Variants in RMDN2 observed in about 807,000 individuals in gnomAD.
RMDN2 encodes regulator of microtubule dynamics protein 2.
In RMDN2, 61 loss-of-function variants were observed where a neutral mutation model predicts 52.8. The ratio of observed to expected loss-of-function variants is 1.16; its 90% CI spans 0.94 to 1.43. RMDN2 has a LOEUF of 1.43. Among genes scored for constraint, RMDN2 ranks in the 40% most tolerant of loss-of-function variants. The pLI, the probability that RMDN2 is intolerant of heterozygous loss-of-function variation, is 0.00. For synonymous variants in RMDN2, 180 were observed against 153.1 expected (o/e 1.18, Z -1.30); for missense variants, 592 against 475.3 (o/e 1.25, Z -2.28).
At chr2:38,020,761 G>A (rs552245479), downstream of RMDN2, among the ~76,000 whole-genome samples, 32 of 152,310 alleles carry the variant, frequency 2.1e-4, no homozygotes, top group East Asian at 3.9e-4. Flanking sequence ...GGCAGGGCTC[G>A]GGACCTGCAG....
At chr2:38,051,093 G>C (rs1412689246) in intron 10 of RMDN2, among the ~76,000 whole-genome samples, 3 of 152,160 alleles carry the variant, frequency 2.0e-5, no homozygotes, top group African/African-American at 7.2e-5. Context: ...GCCTCTTTAG[G>C]AAAGACATCA....
chr2:37,978,086 A>T (rs1182796340), intron 4 of RMDN2, among the ~76,000 whole-genome samples: 3 of 152,208 alleles, frequency 2.0e-5, no homozygotes, highest in Non-Finnish European at 2.9e-5. Flanking sequence ...CGGGAGGCCG[A>T]GGCTGGCAGA....
intron 2 of RMDN2, among the ~76,000 whole-genome samples, chr2:37,941,332 C>T (rs1292370184): frequency 6.6e-6 from 1 of 152,180 alleles, no homozygotes; most frequent in Non-Finnish European, 1.5e-5. Flanking sequence ...GTCTGTTGAC[C>T]CCTGCTGGGA....
intron 8 of RMDN2, among the ~76,000 whole-genome samples, chr2:37,998,639 A>G (rs1483657535): frequency 6.6e-6 from 1 of 152,160 alleles, no homozygotes; most frequent in Non-Finnish European, 1.5e-5. Context: ...GTTTCTTCTC[A>G]CTTTCTATCT....
At position 37,932,657 on chromosome 2, in the gene RMDN2, C is replaced by T. The variant is rs62134014; in HGVS notation, c.452+2928C>T. 6.9e-3 allele frequency among the ~76,000 whole-genome samples: 1,035 copies of T among 150,710 alleles called. 10 individuals carry two copies. The highest frequency in any genetic ancestry group is 7.9e-3 in the Non-Finnish European group (533 of 67,498). On this transcript the variant is annotated intron_variant, in intron 2 of 10. Transcript: ENST00000354545. ...GGGGCGGCCGGGCAGAGGCGCCCCT[C>T]ACCTCACGGGGCGGCTGGCCGGGCG...
At chr2:38,041,185 A>G (rs978037216) in intron 10 of RMDN2, among the ~76,000 whole-genome samples, 4 of 152,142 alleles carry the variant, frequency 2.6e-5, no homozygotes, top group African/African-American at 9.7e-5. Context: ...AGGCCTTGCT[A>G]TAAGAATTAA....
At chr2:38,002,879 G>A (rs1162862681) in intron 8 of RMDN2, 1 of 152,208 alleles carries the variant, frequency 6.6e-6, no homozygotes, top group South Asian at 2.1e-4. Flanking sequence ...CTCTAGGGTG[G>A]AGACTCCAGG....
chr2:37,983,196 G>T (rs1027846647), intron 5 of RMDN2, among the ~76,000 whole-genome samples: 1 of 152,040 alleles, frequency 6.6e-6, no homozygotes, highest in African/African-American at 2.4e-5. Flanking sequence ...ATGTGCATTT[G>T]GTGTAAATCG....
At chr2:37,998,522 T>A (rs908879109) in intron 8 of RMDN2, among the ~76,000 whole-genome samples, 1 of 152,108 alleles carries the variant, frequency 6.6e-6, no homozygotes, top group African/African-American at 2.4e-5. Context: ...CATGACCTTA[T>A]CTCAAAAATA....
chr2:38,050,347 T>TA lies in RMDN2; in HGVS notation c.1714-16624dup, dbSNP rs1240270212. ...ACACACATGCCTAAGTATCCCCTATTAAAAAAAAAAATAAAAAAAAAACCT... is the reference window on the plus strand; with the variant it reads ...ACACACATGCCTAAGTATCCCCTATTAAAAAAAAAAAATAAAAAAAAAACCT... On this transcript the variant is annotated intron_variant, in intron 10 of 10. Transcript: ENST00000234195. 5.7e-3 allele frequency among the ~76,000 whole-genome samples: 826 copies of TA among 143,784 alleles called. 7 individuals are homozygous for TA. The highest frequency in any genetic ancestry group is 0.019 in the African/African-American group (745 of 38,956). 94.3% of individuals were successfully genotyped at this position (143,784 alleles called of 152,430 possible).
chr2:37,926,348 C>T (rs981376858), intron 1 of RMDN2, among the ~76,000 whole-genome samples: 2 of 152,144 alleles, frequency 1.3e-5, no homozygotes, highest in African/African-American at 4.8e-5. Context: ...GACATTTCTT[C>T]AGAAAACATT....
chr2:37,926,607 T>TTA (rs1666302020), intron 1 of RMDN2, among the ~76,000 whole-genome samples: 1 of 152,220 alleles, frequency 6.6e-6, no homozygotes, highest in Non-Finnish European at 1.5e-5. Flanking sequence ...TATATTTTTT[T>TTA]ATACTACAAG....
In RMDN2 at chr2:37,975,282, A is replaced by G; in HGVS notation, c.698A>G (p.Asn233Ser). The change falls in exon 4 of 11, where the codon AAC becomes AGC. Residue 233 changes from asparagine (N) to serine (S), a missense_variant. Asn to Ser is a conservative substitution (Grantham distance 46). Coordinates refer to ENST00000354545, the MANE Select transcript of RMDN2 (RefSeq NM_001170791.3). ...GGAGACATGTATGAACTATCTACAAACACACAAGAAAAGAAACATTATGCT... is the reference window on the plus strand; with the variant it reads ...GGAGACATGTATGAACTATCTACAAGCACACAAGAAAAGAAACATTATGCT... ...AYGDMYELST[N>S]TQEKKHYANI... The G allele has an allele frequency of 6.2e-7, 1 of 1,606,538 alleles. No homozygotes were observed. Among genetic ancestry groups the G allele is most frequent in the Non-Finnish European group, 8.5e-7 (1 of 1,173,306 alleles).
intron 2 of RMDN2, among the ~76,000 whole-genome samples, chr2:37,958,494 T>A (rs1406132487): frequency 6.6e-6 from 1 of 151,054 alleles, no homozygotes; most frequent in Admixed American, 6.6e-5. Flanking sequence ...TTTTTTATCC[T>A]GAGATTTTGC....
Position 38,009,671 on chromosome 2 carries a change from C to T in RMDN2, c.1179+5455C>T, listed in dbSNP as rs369196733. 5.4e-4 allele frequency among the ~76,000 whole-genome samples: 82 copies of T among 152,266 alleles called. No homozygotes were observed. The South Asian group carries it at 6.6e-3, about 12-fold the overall frequency. ...TGGTTTCGAACTTCCTCCTTTAGCT[C>T]GGAGTAGTTTGATCGTCTGAAGCCT... is the stretch of plus-strand genomic sequence containing the variant. On this transcript the variant is annotated intron_variant, in intron 10 of 10. Coordinates refer to ENST00000354545, the MANE Select transcript of RMDN2 (RefSeq NM_001170791.3).
chr2:38,039,075 CACACACACACACACACACAGAGAG>C (rs1237189460), intron 10 of RMDN2, among the ~76,000 whole-genome samples: 2 of 87,610 alleles, frequency 2.3e-5, no homozygotes, highest in South Asian at 3.8e-4. Flanking sequence ...CACACACACA[CACACACACACACACACACAGAGAG>C]AGAGATAAAA....
chr2:37,936,361 C>T (rs143183508), intron 2 of RMDN2, among the ~76,000 whole-genome samples: 309 of 152,258 alleles, frequency 2.0e-3, no homozygotes, highest in African/African-American at 7.0e-3. Flanking sequence ...CATACGTGTG[C>T]GTGTGTCTTT....
At chr2:37,926,928 T>G (rs1039202362) in intron 1 of RMDN2, among the ~76,000 whole-genome samples, 1 of 137,806 alleles carries the variant, frequency 7.3e-6, no homozygotes, top group Admixed American at 6.9e-5. Flanking sequence ...AGAGCGAGAC[T>G]CTAAAAAAAA....
At chr2:37,953,068 A>G (rs562010073) in intron 2 of RMDN2, 3 of 152,120 alleles carry the variant, frequency 2.0e-5, no homozygotes, top group Admixed American at 1.3e-4. Context: ...TAATTATCCT[A>G]ATAAAATGTC....
Sources: allele counts gnomAD v4.1 joint callset (sites outside exome capture counted in the v4.1 genomes callset), GRCh38; gene constraint gnomAD v4.1.1; transcripts MANE v1.5; gene names NCBI Gene and HGNC (gene_info 2026-07-23, HGNC 2026-07-21).